Variants in AGL observed in about 807,000 individuals in gnomAD.
AGL encodes the protein glycogen debranching enzyme.
Under a neutral mutation model 199.3 loss-of-function variants are expected in AGL, and 128 were observed. The ratio of observed to expected loss-of-function variants is 0.64; its 90% CI spans 0.56 to 0.74. The LOEUF is 0.74. Among genes scored for constraint, AGL ranks in the 30% least tolerant of loss-of-function variants. The pLI is 0.00. For synonymous variants in AGL, 584 were observed against 594.7 expected, an observed-to-expected ratio of 0.98 and a Z score of 0.26; for missense variants, 1,809 against 1,820.8, an observed-to-expected ratio of 0.99 and a Z score of 0.12.
chr1:99,899,572 C>G (rs953135577), intron 25 of AGL, among the ~76,000 whole-genome samples: 2 of 143,022 alleles, frequency 1.4e-5, no homozygotes, highest in Non-Finnish European at 1.5e-5. Flanking sequence ...CTCCCTCCCT[C>G]CCTCCCTCTC....
intron 28 of AGL, among the ~76,000 whole-genome samples, chr1:99,911,593 A>G (rs1398179101): frequency 2.0e-5 from 3 of 152,072 alleles, no homozygotes; most frequent in African/African-American, 4.8e-5. Flanking sequence ...ACAGGCGCAC[A>G]CTACCAGACA....
rs772280861 is a variant in AGL, at chr1:99,896,272, G to GT, written c.3260-6dup. 1.3e-4 allele frequency: 212 copies of GT among 1,584,818 alleles called. No individual in the cohort carries two copies. The highest frequency in any genetic ancestry group is 4.2e-4 in the South Asian group (38 of 90,548). On this transcript the variant is annotated splice_polypyrimidine_tract_variant and intron_variant, in intron 24 of 33. Coordinates refer to ENST00000361915, the MANE Select transcript of AGL (RefSeq NM_000642.3). ...TATGATTAACATATTACTTTGTTGTGTTTTTTTTGTTAGGCTTACCTCATT... is the reference window on the plus strand; with the variant it reads ...TATGATTAACATATTACTTTGTTGTGTTTTTTTTTGTTAGGCTTACCTCATT...
chr1:99,913,734 T>G lies in AGL; in HGVS notation c.4157T>G (p.Val1386Gly). Residue 1386 changes from valine to glycine, a missense_variant, in exon 30 of 34, where the codon GTT (valine) becomes GGT (glycine). Physicochemically the swap from Val to Gly is moderately radical, Grantham distance 109. Transcript: ENST00000361915. ...AGGCCTAATTTTACCATAGCAATGG[T>G]TGTGGTAGGTGATTCGTTTGTAAAA... ...QLRPNFTIAM[V>G]VAPELFTTEK... 1 of 1,613,528 alleles carries G rather than the reference T, an allele frequency of 6.2e-7. No individual in the cohort carries two copies. The highest frequency in any genetic ancestry group is 8.5e-7 in the Non-Finnish European group (1 of 1,179,460).
chr1:99,853,630 G>A (rs1179072156), intron 2 of AGL, among the ~76,000 whole-genome samples: 2 of 152,234 alleles, frequency 1.3e-5, no homozygotes, highest in African/African-American at 2.4e-5. Context: ...ACTCACACTT[G>A]TAATCTCAGT....
At chr1:99,892,667 T>G in intron 24 of AGL, 60 bp downstream of exon 24, 1 of 1,519,210 alleles carries the variant, frequency 6.6e-7, no homozygotes. Context: ...GAAGAAAAGT[T>G]ATAGGAAAAT....
chr1:99,874,882 A>ATTTT, intron 8 of AGL, 72 bp downstream of exon 8: 1 of 1,527,470 alleles, frequency 6.5e-7, no homozygotes, highest in Non-Finnish European at 9.0e-7. Context: ...TGATTTTCAT[A>ATTTT]CTACTTATTA....
At chr1:99,892,099 A>G (rs1026253142) in intron 23 of AGL, among the ~76,000 whole-genome samples, 1 of 152,114 alleles carries the variant, frequency 6.6e-6, no homozygotes, top group African/African-American at 2.4e-5. Flanking sequence ...ACTATGAATG[A>G]AATTTGCCTT....
At chr1:99,885,526 A>C (rs1652391462) in intron 20 of AGL, among the ~76,000 whole-genome samples, 1 of 152,134 alleles carries the variant, frequency 6.6e-6, no homozygotes, top group Admixed American at 6.6e-5. Context: ...GCCGCACAGC[A>C]GGAGGTGAGT....
intron 23 of AGL, among the ~76,000 whole-genome samples, chr1:99,892,201 C>T (rs1374014215): frequency 6.6e-6 from 1 of 152,116 alleles, no homozygotes; most frequent in Non-Finnish European, 1.5e-5. Context: ...CAAGAACAAA[C>T]TTTCATTTCT....
chr1:99,856,535 C>T (rs527965820), intron 2 of AGL, among the ~76,000 whole-genome samples: 1 of 151,816 alleles, frequency 6.6e-6, no homozygotes, highest in East Asian at 1.9e-4. Flanking sequence ...GAGGGAAGGT[C>T]AGCAGATAAA....
chr1:99,851,265 G>A, intron 2 of AGL, 141 bp downstream of exon 2: 1 of 763,170 alleles, frequency 1.3e-6, no homozygotes, highest in Non-Finnish European at 2.3e-6. Context: ...AGATGGTGCT[G>A]TGTTCTCCAT....
intron 2 of AGL, among the ~76,000 whole-genome samples, chr1:99,857,334 A>T (rs1280953795): frequency 1.4e-5 from 2 of 144,442 alleles, no homozygotes; most frequent in Non-Finnish European, 3.0e-5. Flanking sequence ...CAGACTGGGC[A>T]GCCGGGCAGA....
chr1:99,870,278 G>T, intron 5 of AGL, 122 bp from the exon 6 acceptor site: 2 of 991,976 alleles, frequency 2.0e-6, no homozygotes, highest in Non-Finnish European at 3.0e-6. Flanking sequence ...TCGTAAAATT[G>T]ATGTCCAATA....
chr1:99,853,902 A>G (rs1176362098), intron 2 of AGL, among the ~76,000 whole-genome samples: 1 of 151,764 alleles, frequency 6.6e-6, no homozygotes, highest in African/African-American at 2.4e-5. Flanking sequence ...AAAAACAAAA[A>G]TAAAGGGCCG....
At chr1:99,871,013 T>C (rs1433391008) in intron 7 of AGL, 144 bp downstream of exon 7, 2 of 633,902 alleles carry the variant, frequency 3.2e-6, no homozygotes, top group African/African-American at 3.7e-5. Context: ...ACTGTGATTC[T>C]GTAAGCTGAG....
chr1:99,876,959 T>C (rs1651596194), intron 11 of AGL, among the ~76,000 whole-genome samples: 1 of 152,204 alleles, frequency 6.6e-6, no homozygotes, highest in Non-Finnish European at 1.5e-5. Flanking sequence ...AGAGATATTT[T>C]CACTCATTGG....
chr1:99,909,672 C>A (rs56371251), intron 27 of AGL, among the ~76,000 whole-genome samples: 59,816 of 150,444 alleles, frequency 0.4, 12,395 homozygotes, highest in East Asian at 0.55. Flanking sequence ...AAAAAAAAAA[C>A]CAGGGAACTC....
intron 7 of AGL, among the ~76,000 whole-genome samples, chr1:99,872,709 A>G (rs1408239354): frequency 1.3e-5 from 2 of 151,992 alleles, no homozygotes; most frequent in Non-Finnish European, 2.9e-5. Flanking sequence ...TTGTATTTTT[A>G]GTAGAGACGG....
intron 5 of AGL, 149 bp downstream of exon 5, chr1:99,864,738 C>T (rs1365290622): frequency 1.4e-6 from 1 of 697,946 alleles, no homozygotes; most frequent in Non-Finnish European, 2.4e-6. Context: ...AGGTGTCCTT[C>T]TGTTTAAAAA....
Sources: gnomAD v4.1 joint callset for allele counts (sites outside exome capture counted in the v4.1 genomes callset) on GRCh38, gnomAD v4.1.1 for gene constraint, MANE v1.5 for transcripts, NCBI Gene and HGNC (gene_info 2026-07-23, HGNC 2026-07-21) for gene names.